Variants in KCNH5 observed in about 807,000 individuals in gnomAD.
The protein encoded by KCNH5 is potassium voltage-gated channel subfamily H member 5.
In KCNH5, 46 loss-of-function variants were observed where a neutral mutation model predicts 96.1. The observed-to-expected ratio is 0.48, with a 90% CI of 0.38 to 0.61. The LOEUF (loss-of-function observed/expected upper bound fraction) is 0.61, where lower values mean the gene tolerates loss of function less well. Ranked by LOEUF, KCNH5 falls within the 20% of genes least tolerant of loss-of-function variation. KCNH5 has a pLI of 0.00. For synonymous variants in KCNH5, 439 were observed against 449.8 expected (o/e 0.98, Z 0.30); for missense variants, 907 against 1,225.8 (o/e 0.74, Z 3.88).
chr14:62,815,723 T>C (rs982217874), intron 8 of KCNH5, among the ~76,000 whole-genome samples: 2 of 151,996 alleles, frequency 1.3e-5, no homozygotes, highest in Admixed American at 1.3e-4. Flanking sequence ...AATAAATACA[T>C]GAAACAGAAA....
chr14:62,817,166 ATAAT>A (rs1200990820), intron 8 of KCNH5, among the ~76,000 whole-genome samples: 1 of 131,510 alleles, frequency 7.6e-6, no homozygotes, highest in African/African-American at 2.7e-5. Context: ...TACATAATAT[ATAAT>A]ATATAATATA....
At chr14:63,041,785 T>C (rs1173867299) in intron 1 of KCNH5, among the ~76,000 whole-genome samples, 1 of 152,096 alleles carries the variant, frequency 6.6e-6, no homozygotes, top group Non-Finnish European at 1.5e-5. Context: ...TGCTCGCTTA[T>C]AACAGACTGA....
intron 7 of KCNH5, among the ~76,000 whole-genome samples, chr14:62,863,883 A>C (rs1286090008): frequency 6.6e-6 from 1 of 152,094 alleles, no homozygotes; most frequent in Non-Finnish European, 1.5e-5. Context: ...ATACTTTTTT[A>C]TATGTATCTG....
chr14:62,980,409 G>A (rs1890584118), intron 6 of KCNH5, among the ~76,000 whole-genome samples: 2 of 152,192 alleles, frequency 1.3e-5, no homozygotes, highest in South Asian at 4.1e-4. Flanking sequence ...GTCTTGAGAG[G>A]AGGAGTCAAA....
chr14:62,928,641 C>G (rs1461328831), intron 7 of KCNH5, among the ~76,000 whole-genome samples: 1 of 151,948 alleles, frequency 6.6e-6, no homozygotes, highest in Non-Finnish European at 1.5e-5. Flanking sequence ...CACCAGTGAC[C>G]CTAAGATTGC....
At position 62,779,746 on chromosome 14, in the gene KCNH5, A is replaced by C. The variant is rs964331436; in HGVS notation, c.2001T>G (p.Thr667=). ...ANSFSRNLTL[T]CNLRKRIIFR... The stretch of plus-strand genomic sequence containing the variant: ...AACATACCCGTTTCCTCAGATTGCA[A>C]GTAAGAGTGAGATTCCTTGAGAAGG... Residue 667 remains threonine, a synonymous_variant, in exon 10 of 11, where the codon ACT becomes ACG. Transcript: ENST00000322893. 1.2e-5 allele frequency: 20 copies of C among 1,613,458 alleles called. No homozygotes were observed. The highest frequency in any genetic ancestry group is 1.6e-4 in the Middle Eastern group (1 of 6,082).
chr14:62,817,779 A>AAT (rs1209539063), intron 8 of KCNH5, among the ~76,000 whole-genome samples: 38 of 144,032 alleles, frequency 2.6e-4, no homozygotes, highest in Admixed American at 9.2e-4. Context: ...ATATTCTAGG[A>AAT]ATATATATAT....
intron 1 of KCNH5, among the ~76,000 whole-genome samples, chr14:63,033,060 C>G (rs1389500873): frequency 6.6e-6 from 1 of 152,164 alleles, no homozygotes; most frequent in Non-Finnish European, 1.5e-5. Context: ...CATTTCTCCC[C>G]ATTTCCACTA....
intron 7 of KCNH5, among the ~76,000 whole-genome samples, chr14:62,886,986 A>G (rs925177875): frequency 3.9e-5 from 6 of 152,210 alleles, no homozygotes; most frequent in Admixed American, 3.3e-4. Context: ...AAAAATGCCA[A>G]ACAAAATGCC....
At chr14:62,758,809 G>C (rs534256669) in intron 10 of KCNH5, among the ~76,000 whole-genome samples, 8 of 152,320 alleles carry the variant, frequency 5.3e-5, no homozygotes, top group African/African-American at 1.9e-4. Context: ...ATGGAAAAAG[G>C]AGAGTCATGT....
chr14:62,840,566 C>CTTTTTTTTTTTTTTTTTTTTTTTT (rs71120238), intron 8 of KCNH5, among the ~76,000 whole-genome samples: 2 of 76,366 alleles, frequency 2.6e-5, no homozygotes, highest in Admixed American at 1.8e-4. Flanking sequence ...TCTTTTTTTT[C>CTTTTTTTTTTTTTTTTTTTTTTTT]TTTTTTTTTT....
intron 10 of KCNH5, among the ~76,000 whole-genome samples, chr14:62,771,286 C>T (rs1194117148): frequency 6.6e-6 from 1 of 152,044 alleles, no homozygotes; most frequent in Non-Finnish European, 1.5e-5. Context: ...GCAAGGGGTA[C>T]CAGACTAACC....
chr14:63,032,970 C>T (rs1891656707), intron 1 of KCNH5, among the ~76,000 whole-genome samples: 1 of 152,120 alleles, frequency 6.6e-6, no homozygotes, highest in African/African-American at 2.4e-5. Context: ...CCTTGGGAGT[C>T]ATCCTTCACA....
intron 5 of KCNH5, among the ~76,000 whole-genome samples, 184 bp from the exon 6 acceptor site, chr14:62,981,448 C>T (rs117461694): frequency 2.0e-5 from 3 of 152,332 alleles, no homozygotes; most frequent in South Asian, 2.1e-4. Flanking sequence ...TCTACCAAAG[C>T]TGATCTTTCT....
intron 7 of KCNH5, among the ~76,000 whole-genome samples, chr14:62,850,276 A>G (rs767147465): frequency 3.3e-5 from 5 of 152,208 alleles, no homozygotes; most frequent in Non-Finnish European, 5.9e-5. Context: ...CAGTTTAGAA[A>G]CATATGCTCT....
chr14:62,980,831 T>A, intron 6 of KCNH5, 41 bp downstream of exon 6: 3 of 1,587,292 alleles, frequency 1.9e-6, no homozygotes, highest in South Asian at 1.2e-5. Context: ...TTTCAAAATA[T>A]ATGACCCACA....
At chr14:62,727,614 T>G (rs17100302) in intron 10 of KCNH5, among the ~76,000 whole-genome samples, 1 of 152,108 alleles carries the variant, frequency 6.6e-6, no homozygotes, top group Non-Finnish European at 1.5e-5. Flanking sequence ...TCCCCAAATA[T>G]TCTCAGTTTA....
At chr14:62,947,006 G>C (rs1566717868) in intron 7 of KCNH5, among the ~76,000 whole-genome samples, 1 of 152,024 alleles carries the variant, frequency 6.6e-6, no homozygotes, top group South Asian at 2.1e-4. Flanking sequence ...TGTAATTAAA[G>C]AAACCTGCAC....
At chr14:62,958,009 C>T (rs1307870997) in intron 6 of KCNH5, among the ~76,000 whole-genome samples, 2 of 152,176 alleles carry the variant, frequency 1.3e-5, no homozygotes, top group African/African-American at 4.8e-5. Context: ...AAGAAAAGTG[C>T]ATATGTTACA....
Sources: gnomAD v4.1 joint callset for allele counts (sites outside exome capture counted in the v4.1 genomes callset) on GRCh38, gnomAD v4.1.1 for gene constraint, MANE v1.5 for transcripts, NCBI Gene and HGNC (gene_info 2026-07-23, HGNC 2026-07-21) for gene names.